The following NEK1 variants were observed in gnomAD, a reference collection of about 807,000 sequenced individuals.
The protein encoded by NEK1 is NIMA related kinase 1.
A neutral mutation model predicts 182.1 loss-of-function variants in NEK1; 137 were observed. That is an observed-to-expected ratio of 0.75 (90% confidence interval 0.65 to 0.87). The LOEUF (loss-of-function observed/expected upper bound fraction) is 0.87, where lower values mean the gene tolerates loss of function less well. Ranked by LOEUF, NEK1 falls within the 40% of genes least tolerant of loss-of-function variation. The pLI, the probability that NEK1 is intolerant of heterozygous loss-of-function variation, is 0.00. For synonymous variants in NEK1, 513 were observed against 492.2 expected (o/e 1.04, Z -0.56); for missense variants, 1,391 against 1,494.4 (o/e 0.93, Z 1.14).
chr4:169,492,970 C>A (rs1318651429), intron 23 of NEK1, among the ~76,000 whole-genome samples: 1 of 152,172 alleles, frequency 6.6e-6, no homozygotes, highest in Non-Finnish European at 1.5e-5. Flanking sequence ...CGCCAAAGTG[C>A]ATGATTGTGG....
intron 4 of NEK1, among the ~76,000 whole-genome samples, chr4:169,599,876 C>CT (rs1175456627): frequency 1.3e-5 from 2 of 151,562 alleles, no homozygotes; most frequent in Admixed American, 6.6e-5. Context: ...AAGAATACTT[C>CT]TTTTTTTTAT....
chr4:169,400,462 C>T lies in NEK1; in HGVS notation c.3714+59G>A. ...TCTAATGACCAATACAGATTATCAA[C>T]ATTTCTTCAACCTTCAAACATAGCA... On this transcript the variant is annotated intron_variant, in intron 34 of 35. Transcript: ENST00000507142. The T allele has an allele frequency of 4.6e-6, 7 of 1,518,288 alleles. No individual in the cohort carries two copies. The South Asian group carries it at 6.7e-5, about 15-fold the overall frequency. 94.1% of individuals were successfully genotyped at this position (1,518,288 alleles called of 1,614,324 possible). A position where few individuals can be genotyped will look rare whatever the true frequency, so the allele number is the denominator to read the frequency against.
chr4:169,489,271 G>C (rs997507685), intron 23 of NEK1, among the ~76,000 whole-genome samples: 4 of 152,110 alleles, frequency 2.6e-5, no homozygotes, highest in African/African-American at 9.7e-5. Context: ...ATAGAGGGGC[G>C]GAGGGAGGGA....
intron 2 of NEK1, among the ~76,000 whole-genome samples, chr4:169,604,778 T>C (rs759397048): frequency 3.0e-4 from 45 of 152,294 alleles, no homozygotes; most frequent in Admixed American, 9.8e-4. Flanking sequence ...GTATGACTCA[T>C]GAAATTTTGT....
chr4:169,506,429 A>C (rs943314782), intron 23 of NEK1, among the ~76,000 whole-genome samples: 1 of 152,188 alleles, frequency 6.6e-6, no homozygotes, highest in African/African-American at 2.4e-5. Flanking sequence ...GATTTTGATA[A>C]GCTACTTGGT....
At position 169,589,539 on chromosome 4, in the gene NEK1, A is replaced by C. The variant is rs1011206903; in HGVS notation, c.397-25T>G. On this transcript the variant is annotated intron_variant, in intron 6 of 35. Transcript: ENST00000507142. ...TCTGTAAAAGACAGGAAAAAAAAAA[A>C]CCCTAGAAATATTGTTACAGTCCAG... The C allele has an allele frequency of 2.2e-5, 29 of 1,325,118 alleles. No homozygotes were observed. The Admixed American group carries it at 4.3e-4, about 20-fold the overall frequency. The allele number at this position is 1,325,118 out of a possible 1,614,324, so 82.1% of individuals were successfully genotyped here. A position where few individuals can be genotyped will look rare whatever the true frequency, so the allele number is the denominator to read the frequency against.
At chr4:169,446,796 C>G (rs1389865428) in intron 27 of NEK1, among the ~76,000 whole-genome samples, 2 of 151,886 alleles carry the variant, frequency 1.3e-5, no homozygotes, top group Admixed American at 6.6e-5. Context: ...CCTTTAATAG[C>G]AGAACACATC....
At chr4:169,563,033 T>C (rs1763155610) in intron 12 of NEK1, among the ~76,000 whole-genome samples, 1 of 152,178 alleles carries the variant, frequency 6.6e-6, no homozygotes, top group Admixed American at 6.5e-5. Flanking sequence ...TTCACAATTA[T>C]CTTATACTTT....
At chr4:169,604,610 T>A (rs1771033319) in intron 2 of NEK1, among the ~76,000 whole-genome samples, 1 of 152,210 alleles carries the variant, frequency 6.6e-6, no homozygotes, top group Admixed American at 6.5e-5. Context: ...AATTAAAAAA[T>A]CCATGTTCTT....
At chr4:169,513,253 G>A (rs1213038354) in intron 19 of NEK1, among the ~76,000 whole-genome samples, 1 of 152,014 alleles carries the variant, frequency 6.6e-6, no homozygotes, top group East Asian at 1.9e-4. Flanking sequence ...GGTCTTCTTA[G>A]ATTTTTTTCA....
chr4:169,598,218 G>A (rs1221360379), intron 5 of NEK1, among the ~76,000 whole-genome samples: 1 of 152,130 alleles, frequency 6.6e-6, no homozygotes, highest in East Asian at 1.9e-4. Flanking sequence ...TTTGGGGCAA[G>A]TACTTAACCT....
chr4:169,508,163 CGTT>C (rs771872165), intron 21 of NEK1, 82 bp downstream of exon 21: 21 of 1,163,966 alleles, frequency 1.8e-5, no homozygotes, highest in African/African-American at 3.2e-5. Context: ...TTGTTGTTGT[CGTT>C]GTTGTTAATG....
chr4:169,488,003 T>C (rs1399959847), intron 23 of NEK1, among the ~76,000 whole-genome samples: 1 of 152,182 alleles, frequency 6.6e-6, no homozygotes, highest in Non-Finnish European at 1.5e-5. Flanking sequence ...CATTTTTTAA[T>C]GCGTAAAAAT....
rs570449981 is a variant in NEK1 at position 169,545,735 on chromosome 4, T to C, written c.1563-7824A>G. 1.1e-3 allele frequency among the ~76,000 whole-genome samples: 170 copies of C among 152,004 alleles called. 1 individual carries two copies. The highest frequency in any genetic ancestry group is 2.2e-3 in the African/African-American group (93 of 41,450). ...CTGTTGTTTCCTGACTTTTTAATGA[T>C]TGCCATTCTAACTGGTGTGAGATAA... On this transcript the variant is annotated intron_variant, in intron 18 of 35. Transcript: ENST00000507142.
At chr4:169,554,235 T>C (rs918418067) in intron 18 of NEK1, 5 of 152,126 alleles carry the variant, frequency 3.3e-5, no homozygotes, top group African/African-American at 7.3e-5. Flanking sequence ...CTGGGCAACA[T>C]AGCAAGACTC....
intron 19 of NEK1, among the ~76,000 whole-genome samples, chr4:169,530,708 G>A (rs1757539667): frequency 6.6e-6 from 1 of 151,498 alleles, no homozygotes; most frequent in South Asian, 2.1e-4. Flanking sequence ...CCAAGGTGTT[G>A]GGGGTAGAAC....
At chr4:169,424,824 G>C (rs1184970423) in intron 30 of NEK1, 24 bp from the exon 31 acceptor site, 1 of 1,592,496 alleles carries the variant, frequency 6.3e-7, no homozygotes, top group Non-Finnish European at 8.6e-7. Flanking sequence ...GAGAGATTAT[G>C]TGGTAAGTCT....
At chr4:169,599,435 G>A (rs1770105233) in intron 4 of NEK1, among the ~76,000 whole-genome samples, 1 of 152,144 alleles carries the variant, frequency 6.6e-6, no homozygotes, top group Non-Finnish European at 1.5e-5. Context: ...TTATTGAATA[G>A]TGCTGTTTGC....
At chr4:169,433,079 T>C (rs891784273) in intron 29 of NEK1, among the ~76,000 whole-genome samples, 4 of 152,012 alleles carry the variant, frequency 2.6e-5, no homozygotes, top group Non-Finnish European at 5.9e-5. Context: ...TTATTTTTTG[T>C]GAGACAGTCT....
Sources: allele counts gnomAD v4.1 joint callset (sites outside exome capture counted in the v4.1 genomes callset), GRCh38; gene constraint gnomAD v4.1.1; transcripts MANE v1.5; gene names NCBI Gene and HGNC (gene_info 2026-07-23, HGNC 2026-07-21).